The following KCNC2 variants were observed in gnomAD, a reference collection of about 807,000 sequenced individuals.
The protein encoded by KCNC2 is potassium voltage-gated channel subfamily C member 2.
Under a neutral mutation model 44.5 loss-of-function variants are expected in KCNC2, and 21 were observed. That is an observed-to-expected ratio of 0.47 (90% CI 0.33 to 0.68). KCNC2 has a LOEUF of 0.68. Ranked by LOEUF, KCNC2 falls within the 30% of genes least tolerant of loss-of-function variation. The probability of loss-of-function intolerance (pLI) is 0.01; values close to 1 mark genes in which losing one functional copy is unlikely to be tolerated. For missense variants in KCNC2, 589 were observed against 826.2 expected, an observed-to-expected ratio of 0.71 and a Z score of 3.52; for synonymous variants, 391 against 339.1, an observed-to-expected ratio of 1.15 and a Z score of -1.68.
At chr12:75,077,406 G>C (rs1286644625) in intron 2 of KCNC2, among the ~76,000 whole-genome samples, 3 of 152,134 alleles carry the variant, frequency 2.0e-5, no homozygotes, top group Non-Finnish European at 4.4e-5. Flanking sequence ...GGTCATTTCA[G>C]TAATATAACT....
At chr12:75,156,826 CA>C (rs758952569) in intron 2 of KCNC2, among the ~76,000 whole-genome samples, 1 of 151,812 alleles carries the variant, frequency 6.6e-6, no homozygotes, top group South Asian at 2.1e-4. Context: ...TTCTTTATAT[CA>C]TTATCATACC....
chr12:75,143,364 A>T (rs1207330338), intron 2 of KCNC2, among the ~76,000 whole-genome samples: 1 of 152,170 alleles, frequency 6.6e-6, no homozygotes, highest in East Asian at 1.9e-4. Context: ...CCCTGAAAAT[A>T]CATCTCTGTT....
At chr12:75,101,456 A>G (rs1292869930) in intron 2 of KCNC2, among the ~76,000 whole-genome samples, 3 of 152,064 alleles carry the variant, frequency 2.0e-5, no homozygotes. Flanking sequence ...TCTGTTACAC[A>G]CTTTGAGGGT....
chr12:75,111,034 T>C (rs184982097), intron 2 of KCNC2, among the ~76,000 whole-genome samples: 73 of 152,234 alleles, frequency 4.8e-4, no homozygotes, highest in African/African-American at 1.7e-3. Flanking sequence ...CAATAATATG[T>C]CCATGAAATC....
chr12:75,092,376 T>G (rs955746407), intron 2 of KCNC2, among the ~76,000 whole-genome samples: 2 of 151,704 alleles, frequency 1.3e-5, no homozygotes, highest in Non-Finnish European at 3.0e-5. Flanking sequence ...CAAATTTTCT[T>G]GACAAAGTTT....
At chr12:75,166,051 G>T (rs1340237035) in intron 2 of KCNC2, among the ~76,000 whole-genome samples, 1 of 151,106 alleles carries the variant, frequency 6.6e-6, no homozygotes, top group African/African-American at 2.4e-5. Flanking sequence ...TGAAAGTAAA[G>T]AATGGAAAAA....
chr12:75,045,046 T>C (rs920022993), intron 4 of KCNC2, among the ~76,000 whole-genome samples: 5 of 151,972 alleles, frequency 3.3e-5, no homozygotes, highest in African/African-American at 9.7e-5. Context: ...AATATAACTT[T>C]GGGAATTGTA....
chr12:75,179,754 T>TTATAAAAAC (rs1446181174), intron 2 of KCNC2, among the ~76,000 whole-genome samples: 9 of 151,184 alleles, frequency 6.0e-5, no homozygotes, highest in African/African-American at 1.9e-4. Context: ...TTTATATCTT[T>TTATAAAAAC]TATAAAAACT....
chr12:75,081,410 T>A (rs1244494503), intron 2 of KCNC2, among the ~76,000 whole-genome samples: 1 of 13,294 alleles, frequency 7.5e-5, no homozygotes, highest in African/African-American at 2.3e-4. Context: ...AAACATTCAT[T>A]TTTTTTTTTT....
Position 75,041,745 on chromosome 12 carries a change from G to C in KCNC2, c.*1360C>G. 1.0e-6 allele frequency: 1 copy of C among 992,168 alleles called. No individual in the cohort carries two copies. Among genetic ancestry groups the C allele is most frequent in the Non-Finnish European group, 1.2e-6 (1 of 833,790 alleles). 61.5% of individuals were successfully genotyped at this position (992,168 alleles called of 1,614,324 possible). A position where few individuals can be genotyped will look rare whatever the true frequency, so the allele number is the denominator to read the frequency against. On this transcript the variant is annotated 3_prime_UTR_variant, in exon 5 of 5. Coordinates refer to ENST00000549446, the MANE Select transcript of KCNC2 (RefSeq NM_139137.4). ...AACCAAGTGCAATGGTGAAATTGCT[G>C]CTTAAACCCTGCTTATCAAAAAGAT...
chr12:75,173,989 G>T (rs989401971), intron 2 of KCNC2, among the ~76,000 whole-genome samples: 1 of 151,518 alleles, frequency 6.6e-6, no homozygotes, highest in East Asian at 1.9e-4. Flanking sequence ...CTATTTCATG[G>T]CATGTCATTT....
chr12:75,091,648 T>A (rs7970130), intron 2 of KCNC2, among the ~76,000 whole-genome samples: 2,549 of 151,752 alleles, frequency 0.017, 71 homozygotes, highest in African/African-American at 0.056. Context: ...GTTTATTTTT[T>A]AAAAAATCAG....
rs527604945 is a variant in KCNC2, at chr12:75,073,176, T to C, written c.688-21859A>G. 1.1e-4 allele frequency among the ~76,000 whole-genome samples: 17 copies of C among 152,314 alleles called. No individual in the cohort carries two copies. The South Asian group carries it at 2.7e-3, about 24-fold the overall frequency. On this transcript the variant is annotated intron_variant, in intron 2 of 4. Transcript: ENST00000549446. ...ATTCAGTCTAAGTGTATAATGTCTG[T>C]ATGACTTTCTAAGTTGTTCTGAAAC...
At chr12:75,061,581 A>T (rs1221094772) in intron 2 of KCNC2, among the ~76,000 whole-genome samples, 1 of 134,014 alleles carries the variant, frequency 7.5e-6, no homozygotes, top group Non-Finnish European at 1.5e-5. Flanking sequence ...ACACACACAC[A>T]CACACACACA....
chr12:75,137,680 A>G (rs987758120), intron 2 of KCNC2, among the ~76,000 whole-genome samples: 11 of 152,202 alleles, frequency 7.2e-5, no homozygotes, highest in Non-Finnish European at 1.5e-5. Flanking sequence ...TCCGCATGAG[A>G]AAAGCTTTAC....
chr12:75,040,401 T>G lies in KCNC2; in HGVS notation c.*2704A>C, dbSNP rs1235270554. ...CAAAAAAGTAATTGATTAAAGAATA[T>G]CTCTTTTATGCAAAATATACATTTT... On this transcript the variant is annotated 3_prime_UTR_variant, in exon 5 of 5. Coordinates refer to ENST00000549446, the MANE Select transcript of KCNC2 (RefSeq NM_139137.4). The G allele has an allele frequency of 6.6e-6, 1 of 152,412 alleles. No individual in the cohort carries two copies. The highest frequency in any genetic ancestry group is 2.4e-5 in the African/African-American group (1 of 41,436). The allele number at this position is 152,412 out of a possible 1,614,324, so 9.4% of individuals were successfully genotyped here.
Position 75,123,626 on chromosome 12 carries a change from T to C in KCNC2, c.688-72309A>G, listed in dbSNP as rs143493792. 2.0e-5 allele frequency among the ~76,000 whole-genome samples: 3 copies of C among 152,302 alleles called. No individual in the cohort carries two copies. The East Asian group carries it at 5.8e-4, about 29-fold the overall frequency. ...CTGAGGACAAACTTTATCGTCCTGA[T>C]TCTAAACCAATAGAGTACAACCCAG... On this transcript the variant is annotated intron_variant, in intron 2 of 4. Transcript: ENST00000549446.
Position 75,206,260 on chromosome 12 carries a change from C to A in KCNC2, c.687+1037G>T, listed in dbSNP as rs146328963. 2.3e-3 allele frequency among the ~76,000 whole-genome samples: 350 copies of A among 152,266 alleles called. 1 individual carries two copies. Among genetic ancestry groups the A allele is most frequent in the African/African-American group, 8.0e-3 (333 of 41,546 alleles). ...GTGTCGGAAGCAAACCAGACACATG[C>A]AGTTGCAAAGATTTAACTGAATACA... On this transcript the variant is annotated intron_variant, in intron 2 of 4. Transcript: ENST00000549446.
At chr12:75,205,273 T>C (rs2031593596) in intron 2 of KCNC2, among the ~76,000 whole-genome samples, 1 of 152,170 alleles carries the variant, frequency 6.6e-6, no homozygotes, top group Non-Finnish European at 1.5e-5. Context: ...ATTTCCCTCA[T>C]CTACAGTATA....
Sources: allele counts gnomAD v4.1 joint callset (sites outside exome capture counted in the v4.1 genomes callset), GRCh38; gene constraint gnomAD v4.1.1; transcripts MANE v1.5; gene names NCBI Gene and HGNC (gene_info 2026-07-23, HGNC 2026-07-21).